PLPP7: variants seen among roughly 807,000 people sequenced by gnomAD.
PLPP7 encodes phospholipid phosphatase 7 (inactive).
A neutral mutation model predicts 16.9 loss-of-function variants in PLPP7; 11 were observed. The observed-to-expected ratio is 0.65, with a 90% CI of 0.41 to 1.08. The LOEUF (loss-of-function observed/expected upper bound fraction) is 1.08. PLPP7 is among the 50% of genes least tolerant of loss of function. The pLI, the probability that PLPP7 is intolerant of heterozygous loss-of-function variation, is 0.00. For synonymous variants in PLPP7, 174 were observed against 175.1 expected (o/e 0.99, Z 0.05); for missense variants, 358 against 397.1 (o/e 0.90, Z 0.84).
At chr9:131,297,285 A>G (rs1835743901) in intron 1 of PLPP7, among the ~76,000 whole-genome samples, 1 of 152,140 alleles carries the variant, frequency 6.6e-6, no homozygotes, top group Admixed American at 6.5e-5. Flanking sequence ...TGCTCAGCAG[A>G]GTGAATAACC....
rs576453959 is a variant in PLPP7, at chr9:131,308,741, G to A, written c.*454G>A. 157 of 169,836 alleles carry A rather than the reference G, an allele frequency of 9.2e-4. 1 individual carries two copies. Among genetic ancestry groups the A allele is most frequent in the African/African-American group, 3.2e-3 (135 of 41,988 alleles). 10.5% of individuals were successfully genotyped at this position (169,836 alleles called of 1,614,324 possible). On this transcript the variant is annotated 3_prime_UTR_variant, in exon 2 of 2. Coordinates refer to ENST00000372264, the MANE Select transcript of PLPP7 (RefSeq NM_032728.4). ...GGTGCCATTGCCATTAGCGGTCATC[G>A]ACAGCTTAGGGCAGCACTTTCCAAC...
rs531936376 is a variant in PLPP7, at chr9:131,298,893, G to A, written c.451+8445G>A. Among the ~76,000 whole-genome samples the A allele has an allele frequency of 3.2e-4, 49 of 152,318 alleles. 1 individual carries two copies. In the Middle Eastern group the frequency reaches 0.01, roughly 32 times the overall value. ...GAAGCCTCCAGGACAGCAGGGCCCC[G>A]GGGACAGCTGTGCTTCCTGCATGGG... On this transcript the variant is annotated intron_variant, in intron 1 of 1. Coordinates refer to ENST00000372264, the MANE Select transcript of PLPP7 (RefSeq NM_032728.4).
chr9:131,292,532 GTGA>G (rs1262979494), intron 1 of PLPP7, among the ~76,000 whole-genome samples: 1 of 152,188 alleles, frequency 6.6e-6, no homozygotes, highest in Non-Finnish European at 1.5e-5. Context: ...CAGCTAGTCA[GTGA>G]TGGAGCCAGG....
At chr9:131,299,949 C>T (rs1051604103) in intron 1 of PLPP7, among the ~76,000 whole-genome samples, 5 of 152,226 alleles carry the variant, frequency 3.3e-5, no homozygotes, top group African/African-American at 9.6e-5. Context: ...AGATACCCCC[C>T]GTCATTATGG....
At position 131,308,210 on chromosome 9, in the gene PLPP7, G is replaced by A. The variant is rs144456858; in HGVS notation, c.739G>A (p.Gly247Ser). 130 of 1,599,662 alleles carry A rather than the reference G, an allele frequency of 8.1e-5. No homozygotes were observed. The highest frequency in any genetic ancestry group is 1.0e-4 in the Non-Finnish European group (118 of 1,179,828). The change falls in exon 2 of 2, where the codon GGC (glycine) becomes AGC (serine). Residue 247 changes from glycine to serine, a missense_variant. Transcript: ENST00000372264. ...VTDVLSGFVI[G>S]YLQFRLVELV... ...GGACGTCCTCTCCGGCTTTGTCATC[G>A]GCTACCTCCAGTTCCGTCTGGTGGA... is the stretch of plus-strand genomic sequence containing the variant.
intron 1 of PLPP7, among the ~76,000 whole-genome samples, chr9:131,298,362 G>A (rs964409840): frequency 1.6e-4 from 25 of 152,076 alleles, no homozygotes; most frequent in Admixed American, 1.3e-3. Context: ...GGAGCACTGG[G>A]ACCCCTCCTC....
intron 1 of PLPP7, among the ~76,000 whole-genome samples, chr9:131,304,743 G>C (rs751309516): frequency 5.9e-5 from 9 of 152,174 alleles, no homozygotes; most frequent in Non-Finnish European, 1.0e-4. Flanking sequence ...TTCTAGCCAC[G>C]GGGAAAAAAA....
At position 131,290,480 on chromosome 9, in the gene PLPP7, C is replaced by T; in HGVS notation, c.451+32C>T. On this transcript the variant is annotated intron_variant, in intron 1 of 1. Coordinates refer to ENST00000372264, the MANE Select transcript of PLPP7 (RefSeq NM_032728.4). The surrounding 1 kb of genome is among the most constrained non-coding windows in gnomAD (Gnocchi z 4.2). Reference sequence around the variant, plus strand: ...GTGCCTGCCGCCCGCCACTCACTGTCAGGCCCCTCGGGAGGCAGCCTGGCC... The same window carrying T: ...GTGCCTGCCGCCCGCCACTCACTGTTAGGCCCCTCGGGAGGCAGCCTGGCC... 1 of 1,487,062 alleles carries T rather than the reference C, an allele frequency of 6.7e-7. No individual in the cohort carries two copies. Among genetic ancestry groups the T allele is most frequent in the Non-Finnish European group, 8.9e-7 (1 of 1,121,350 alleles). 92.1% of individuals were successfully genotyped at this position (1,487,062 alleles called of 1,614,324 possible). A position where few individuals can be genotyped will look rare whatever the true frequency, so the allele number is the denominator to read the frequency against.
intron 1 of PLPP7, among the ~76,000 whole-genome samples, chr9:131,299,238 C>T (rs1835769022): frequency 6.6e-6 from 1 of 152,132 alleles, no homozygotes; most frequent in African/African-American, 2.4e-5. Flanking sequence ...GCTGAGTGAC[C>T]TCCCTGAAAC....
intron 1 of PLPP7, among the ~76,000 whole-genome samples, chr9:131,294,446 C>T (rs1835713600): frequency 6.6e-6 from 1 of 152,136 alleles, no homozygotes; most frequent in Non-Finnish European, 1.5e-5. Flanking sequence ...ACCTTCCAAG[C>T]TCTAGATGCC....
At position 131,295,961 on chromosome 9, in the gene PLPP7, G is replaced by A. The variant is rs903462507; in HGVS notation, c.451+5513G>A. ...GCTGTTCTGAGTAACGCTGCCGTGC[G>A]CACAGGTGTATATGCATCTTCTTGA... On this transcript the variant is annotated intron_variant, in intron 1 of 1. Coordinates refer to ENST00000372264, the MANE Select transcript of PLPP7 (RefSeq NM_032728.4). The surrounding 1 kb of genome is among the most constrained non-coding windows in gnomAD (Gnocchi z 4.0). 2.0e-5 allele frequency among the ~76,000 whole-genome samples: 3 copies of A among 152,154 alleles called. No individual in the cohort carries two copies. The highest frequency in any genetic ancestry group is 4.4e-5 in the Non-Finnish European group (3 of 68,036).
chr9:131,308,913 T>C lies in PLPP7; in HGVS notation c.*626T>C, dbSNP rs980894015. On this transcript the variant is annotated 3_prime_UTR_variant, in exon 2 of 2. Coordinates refer to ENST00000372264, the MANE Select transcript of PLPP7 (RefSeq NM_032728.4). ...GCCGTAAAGGCTCTGACAAGCCCTA[T>C]AGAAAAGCTTCTTGCTAAACCTTCT... 6.6e-6 allele frequency: 1 copy of C among 152,408 alleles called. No homozygotes were observed. The highest frequency in any genetic ancestry group is 2.4e-5 in the African/African-American group (1 of 41,476). The allele number at this position is 152,408 out of a possible 1,614,324, so 9.4% of individuals were successfully genotyped here.
rs768349465 is a variant in PLPP7 at position 131,290,471 on chromosome 9, A to G, written c.451+23A>G. 9 of 1,489,442 alleles carry G rather than the reference A, an allele frequency of 6.0e-6. No homozygotes were observed. The East Asian group carries it at 2.2e-4, about 36-fold the overall frequency. The allele number at this position is 1,489,442 out of a possible 1,614,324, so 92.3% of individuals were successfully genotyped here. A position where few individuals can be genotyped will look rare whatever the true frequency, so the allele number is the denominator to read the frequency against. On this transcript the variant is annotated intron_variant, in intron 1 of 1. Coordinates refer to ENST00000372264, the MANE Select transcript of PLPP7 (RefSeq NM_032728.4). This position sits in a 1 kb window ranked among gnomAD's most constrained non-coding sequence, Gnocchi z 4.2. ...TGGGTGAGTGTGCCTGCCGCCCGCC[A>G]CTCACTGTCAGGCCCCTCGGGAGGC...
At chr9:131,300,617 G>A (rs919075030) in intron 1 of PLPP7, among the ~76,000 whole-genome samples, 2 of 150,430 alleles carry the variant, frequency 1.3e-5, no homozygotes, top group African/African-American at 4.9e-5. Flanking sequence ...AAAAGTTCAA[G>A]GCTGCAATGA....
Position 131,290,527 on chromosome 9 carries a change from G to A in PLPP7, c.451+79G>A. ...GGCCTGCCCAACCCCACCCTGGCCG[G>A]GACCTGCACAGCCCTCAGAAACCGG... On this transcript the variant is annotated intron_variant, in intron 1 of 1. Transcript: ENST00000372264. This position sits in a 1 kb window ranked among gnomAD's most constrained non-coding sequence, Gnocchi z 4.2. The A allele has an allele frequency of 7.4e-7, 1 of 1,343,906 alleles. No homozygotes were observed. Among genetic ancestry groups the A allele is most frequent in the Non-Finnish European group, 9.9e-7 (1 of 1,012,078 alleles). The allele number at this position is 1,343,906 out of a possible 1,614,324, so 83.2% of individuals were successfully genotyped here.
chr9:131,291,694 A>C (rs1046530839), intron 1 of PLPP7, among the ~76,000 whole-genome samples: 2 of 150,406 alleles, frequency 1.3e-5, no homozygotes, highest in Non-Finnish European at 3.0e-5. Context: ...CAATTCTCCT[A>C]CCTCAGCCTC....
At position 131,302,930 on chromosome 9, in the gene PLPP7, G is replaced by A. The variant is rs138429261; in HGVS notation, c.452-4993G>A. ...GGCATGGACAGTTAGGTGCACCACA[G>A]TGCCTCACACCCTGCAGCAAGGGGA... On this transcript the variant is annotated intron_variant, in intron 1 of 1. Coordinates refer to ENST00000372264, the MANE Select transcript of PLPP7 (RefSeq NM_032728.4). 4.7e-4 allele frequency among the ~76,000 whole-genome samples: 72 copies of A among 152,360 alleles called. 1 individual carries two copies. The highest frequency in any genetic ancestry group is 1.8e-3 in the Admixed American group (28 of 15,300).
chr9:131,290,036 C>G lies in PLPP7; in HGVS notation c.39C>G (p.Arg13=), dbSNP rs773873386. The change falls in exon 1 of 2, where the codon CGC becomes CGG. Residue 13 remains arginine (R), a synonymous_variant. Coordinates refer to ENST00000372264, the MANE Select transcript of PLPP7 (RefSeq NM_032728.4). The surrounding 1 kb of genome is among the most constrained non-coding windows in gnomAD (Gnocchi z 4.2). ...ASQSRARARD[R]NNVLNRAEFL... The stretch of plus-strand genomic sequence containing the variant: ...AGAGCCGGGCCCGTGCCCGGGACCG[C>G]AACAACGTCCTCAACCGGGCTGAGT... The G allele has an allele frequency of 6.9e-7, 1 of 1,447,950 alleles. No homozygotes were observed. Among genetic ancestry groups the G allele is most frequent in the South Asian group, 1.5e-5 (1 of 66,236 alleles). The allele number at this position is 1,447,950 out of a possible 1,614,324, so 89.7% of individuals were successfully genotyped here. A position where few individuals can be genotyped will look rare whatever the true frequency, so the allele number is the denominator to read the frequency against.
chr9:131,303,488 CT>C lies in PLPP7; in HGVS notation c.452-4420del, dbSNP rs5900928. 3.4e-3 allele frequency among the ~76,000 whole-genome samples: 486 copies of C among 143,856 alleles called. 2 individuals carry two copies. The highest frequency in any genetic ancestry group is 9.7e-3 in the African/African-American group (379 of 39,230). The allele number at this position is 143,856 out of a possible 152,430, so 94.4% of individuals were successfully genotyped here. On this transcript the variant is annotated intron_variant, in intron 1 of 1. Coordinates refer to ENST00000372264, the MANE Select transcript of PLPP7 (RefSeq NM_032728.4). The stretch of plus-strand genomic sequence containing the variant: ...CTGCAGTGAATAGCATCTTCTGTGT[CT>C]TTTTTTTTTTTTTTACTTTTTTTCC...
Sources: gnomAD v4.1 joint callset for allele counts (sites outside exome capture counted in the v4.1 genomes callset) on GRCh38, gnomAD v4.1.1 for gene constraint, Gnocchi (gnomAD v3.1) non-coding constraint, MANE v1.5 for transcripts, NCBI Gene and HGNC (gene_info 2026-07-23, HGNC 2026-07-21) for gene names.